Variants in SEH1L observed in about 807,000 individuals in gnomAD.
The protein encoded by SEH1L is SEH1 like nucleoporin, also known as nucleoporin SEH1.
SEH1L carries 18 observed loss-of-function variants against 49.5 expected under a neutral mutation model. That is an observed-to-expected ratio of 0.36 (90% CI 0.25 to 0.54). The LOEUF (loss-of-function observed/expected upper bound fraction) is 0.54, where lower values mean the gene tolerates loss of function less well. Ranked by LOEUF, SEH1L falls within the 20% of genes least tolerant of loss-of-function variation. The pLI, the probability that SEH1L is intolerant of heterozygous loss-of-function variation, is 0.87. For missense variants in SEH1L, 404 were observed against 528.8 expected (o/e 0.76, Z 2.31); for synonymous variants, 169 against 178.1 (o/e 0.95, Z 0.41).
At chr18:12,964,216 A>T (rs2031328383) in intron 4 of SEH1L, among the ~76,000 whole-genome samples, 2 of 152,188 alleles carry the variant, frequency 1.3e-5, no homozygotes, top group Admixed American at 1.3e-4. Context: ...TGAAGAAAAA[A>T]ATTGAAATAA....
At chr18:12,976,057 G>A (rs1039613644) in intron 5 of SEH1L, 2 of 163,380 alleles carry the variant, frequency 1.2e-5, no homozygotes, top group Non-Finnish European at 2.6e-5. Flanking sequence ...GAGATTAGTT[G>A]TCTATTGCTG....
intron 8 of SEH1L, 114 bp downstream of exon 8, chr18:12,984,304 T>TG (rs1176178077): frequency 1.8e-6 from 2 of 1,107,424 alleles, no homozygotes; most frequent in Non-Finnish European, 2.7e-6. Context: ...TGTTCACATG[T>TG]GCTTGTATTA....
intron 1 of SEH1L, chr18:12,948,827 C>A (rs1045141869): frequency 6.6e-6 from 1 of 152,278 alleles, no homozygotes; most frequent in Non-Finnish European, 1.5e-5. Context: ...GTAGACACTT[C>A]CGACAAGCAG....
intron 2 of SEH1L, among the ~76,000 whole-genome samples, chr18:12,953,517 T>C (rs9949863): frequency 0.071 from 10,820 of 152,284 alleles, 1,138 homozygotes; most frequent in African/African-American, 0.23. Context: ...TTTTTTATTA[T>C]AGCCATTTTA....
At chr18:12,982,754 A>AT in intron 7 of SEH1L, 79 bp downstream of exon 7, 1 of 1,171,644 alleles carries the variant, frequency 8.5e-7, no homozygotes, top group South Asian at 1.8e-5. Context: ...ACTCTGAAAT[A>AT]TTTTTTGAAA....
rs374556599 is a variant in SEH1L at position 12,984,082 on chromosome 18, G to A, written c.962G>A (p.Gly321Asp). The A allele has an allele frequency of 1.3e-4, 204 of 1,613,690 alleles. No individual in the cohort carries two copies. The highest frequency in any genetic ancestry group is 1.7e-4 in the Non-Finnish European group (198 of 1,179,704). ...TGGAAGTGTACTGGTATTTTGAAAG[G>A]TAATGGGAGCCCAGTCAATGGGAGT... ...DNWKCTGILKGNGSPVNGSSQ... is the reference protein window; with the variant it reads ...DNWKCTGILKDNGSPVNGSSQ... The change falls in exon 8 of 9, where the codon GGT becomes GAT. Residue 321 changes from glycine to aspartate, a missense_variant. Physicochemically the swap from Gly to Asp is moderately conservative, Grantham distance 94. Around this residue, in one of 3 missense-constraint regions of SEH1L, gnomAD observed 342 missense variants for 430.8 expected, o/e 0.79. Transcript: ENST00000399892.
chr18:12,986,042 C>A, intron 8 of SEH1L: 1 of 976,570 alleles, frequency 1.0e-6, no homozygotes, highest in Non-Finnish European at 1.2e-6. Flanking sequence ...TAGCTTCCTT[C>A]AAATCAAAAT....
chr18:12,949,028 T>TGTG (rs1568205801), intron 1 of SEH1L, among the ~76,000 whole-genome samples: 1 of 151,430 alleles, frequency 6.6e-6, no homozygotes, highest in African/African-American at 2.4e-5. Flanking sequence ...CTTTTTTTTT[T>TGTG]TTTGTATTTT....
At chr18:12,977,859 T>TA in intron 5 of SEH1L, 1 of 152,342 alleles carries the variant, frequency 6.6e-6, no homozygotes, top group Admixed American at 6.5e-5. Flanking sequence ...AGTTGAGTCT[T>TA]ACTGTGTTGC....
In SEH1L at chr18:12,987,034, T is replaced by G. The variant is rs138623178; in HGVS notation, c.1243T>G (p.Leu415Val). 1 of 1,609,930 alleles carries G rather than the reference T, an allele frequency of 6.2e-7. No homozygotes were observed. The highest frequency in any genetic ancestry group is 2.2e-5 in the East Asian group (1 of 44,728). ...RRYLSRPLNP[L>V]PENEGI ...ATATCTCTCTCGGCCTCTTAATCCCTTACCTGAGAATGAAGGGATTTAAAA... is the reference window on the plus strand; with the variant it reads ...ATATCTCTCTCGGCCTCTTAATCCCGTACCTGAGAATGAAGGGATTTAAAA... The change falls in exon 9 of 9, where the codon TTA becomes GTA. Residue 415 changes from leucine to valine, a missense_variant. Transcript: ENST00000399892.
intron 6 of SEH1L, among the ~76,000 whole-genome samples, chr18:12,979,675 G>C (rs1241632425): frequency 4.1e-4 from 62 of 149,820 alleles, no homozygotes; most frequent in African/African-American, 1.5e-3. Flanking sequence ...CCTCCCGGAC[G>C]GGGTGGCTGG....
At chr18:12,951,722 G>A in intron 1 of SEH1L, 133 bp from the exon 2 acceptor site, 1 of 622,562 alleles carries the variant, frequency 1.6e-6, no homozygotes, top group Non-Finnish European at 2.9e-6. Context: ...ATGAATGAAT[G>A]TTTACTTGCT....
At chr18:12,985,096 G>T in intron 8 of SEH1L, 2 of 630,866 alleles carry the variant, frequency 3.2e-6, no homozygotes, top group Non-Finnish European at 4.9e-6. Context: ...TTTAAAGTCT[G>T]GTTTTTGGTC....
Position 12,951,895 on chromosome 18 carries a change from C to T in SEH1L, c.152C>T (p.Ala51Val). The T allele has an allele frequency of 6.5e-7, 1 of 1,549,548 alleles. No homozygotes were observed. Among genetic ancestry groups the T allele is most frequent in the Non-Finnish European group, 8.8e-7 (1 of 1,135,834 alleles). ...GAAAGTGGTGATTGGCATTGTACTG[C>T]TAGCTGGAAGGTTAGTATTTATTTT... ...KSESGDWHCT[A>V]SWKTHSGSVW... The change falls in exon 2 of 9, where the codon GCT becomes GTT. Residue 51 changes from alanine to valine, a missense_variant. Physicochemically the swap from Ala to Val is moderately conservative, Grantham distance 64 (BLOSUM62 0). Transcript: ENST00000399892.
At chr18:12,983,928 C>T in intron 7 of SEH1L, 112 bp from the exon 8 acceptor site, 1 of 672,870 alleles carries the variant, frequency 1.5e-6, no homozygotes, top group Admixed American at 3.0e-5. Flanking sequence ...AGAAATGTAG[C>T]TCATAGCCTC....
At chr18:12,984,905 T>C in intron 8 of SEH1L, 1 of 193,158 alleles carries the variant, frequency 5.2e-6, no homozygotes. Context: ...TGTTATCCTA[T>C]ATAAAAGAAG....
intron 2 of SEH1L, among the ~76,000 whole-genome samples, chr18:12,954,580 CCTCAGCCTCCCAA>C: frequency 6.6e-6 from 1 of 152,232 alleles, no homozygotes; most frequent in African/African-American, 2.4e-5. Flanking sequence ...GATCCTCCCA[CCTCAGCCTCCCAA>C]GCAGCTGGGA....
intron 3 of SEH1L, among the ~76,000 whole-genome samples, chr18:12,961,041 G>A (rs1038174442): frequency 3.9e-5 from 6 of 152,328 alleles, no homozygotes; most frequent in East Asian, 1.9e-4. Context: ...GTTGTTACAC[G>A]TTGGCATGCT....
chr18:12,962,019 T>A (rs569396743), intron 3 of SEH1L, among the ~76,000 whole-genome samples: 3 of 152,304 alleles, frequency 2.0e-5, no homozygotes, highest in East Asian at 1.9e-4. Flanking sequence ...AAGATAACTT[T>A]TAAATGTGAT....
Sources: gnomAD v4.1 joint callset for allele counts (sites outside exome capture counted in the v4.1 genomes callset) on GRCh38, gnomAD v4.1.1 for gene constraint, gnomAD v4.1.1 regional missense constraint, MANE v1.5 for transcripts, NCBI Gene and HGNC (gene_info 2026-07-23, HGNC 2026-07-21) for gene names.